Variants in RNF213 observed in about 807,000 individuals in gnomAD.
The protein encoded by RNF213 is E3 ubiquitin-protein ligase RNF213.
A neutral mutation model predicts 514.4 loss-of-function variants in RNF213; 341 were observed. That is an observed-to-expected ratio of 0.66 (90% CI 0.61 to 0.73). The LOEUF (loss-of-function observed/expected upper bound fraction) is 0.73, where lower values mean the gene tolerates loss of function less well. RNF213 is among the 30% of genes least tolerant of loss of function. The pLI, the probability that RNF213 is intolerant of heterozygous loss-of-function variation, is 0.00. For synonymous variants in RNF213, 2,655 were observed against 2,658.2 expected, an observed-to-expected ratio of 1.00 and a Z score of 0.04; for missense variants, 5,767 against 6,615.6, an observed-to-expected ratio of 0.87 and a Z score of 4.45.
intron 51 of RNF213, 85 bp downstream of exon 51, chr17:80,375,955 T>C: frequency 9.4e-7 from 1 of 1,065,220 alleles, no homozygotes; most frequent in South Asian, 1.3e-5. Flanking sequence ...TCAACACAAA[T>C]CATACCATAA....
intron 26 of RNF213, among the ~76,000 whole-genome samples, chr17:80,342,403 G>A (rs1029646961): frequency 1.3e-5 from 2 of 152,112 alleles, no homozygotes; most frequent in Non-Finnish European, 2.9e-5. Flanking sequence ...GCTGGGAAAT[G>A]TGAAGGTTCA....
chr17:80,367,732 CCCTG>C lies in RNF213; in HGVS notation c.11872-12_11872-9del. ...CCTCCCCCCTGCTAATGACTCCTGT[CCCTG>C]CCTTTCTTCAGTGTCTTCGAGAGAA... On this transcript the variant is annotated splice_polypyrimidine_tract_variant and intron_variant, in intron 42 of 67. Transcript: ENST00000582970. 5 of 1,610,840 alleles carry C rather than the reference CCCTG, an allele frequency of 3.1e-6. No individual in the cohort carries two copies. The highest frequency in any genetic ancestry group is 4.2e-6 in the Non-Finnish European group (5 of 1,177,306).
Position 80,381,614 on chromosome 17 carries a change from AG to A in RNF213, c.13867del (p.Asp4623ThrfsTer40). 3.7e-6 allele frequency: 6 copies of A among 1,614,242 alleles called. No individual in the cohort carries two copies. Among genetic ancestry groups the A allele is most frequent in the Non-Finnish European group, 5.1e-6 (6 of 1,180,046 alleles). ...PKGFLQQHIL[K>X]DLEQLAKMLG... Reference sequence around the variant, plus strand: ...GGCTTTCTGCAGCAGCACATCCTGAAGGACCTGGAGCAGTTGGCCAAGATGC... The same window carrying A: ...GGCTTTCTGCAGCAGCACATCCTGAAGACCTGGAGCAGTTGGCCAAGATGC... On this transcript the variant is annotated frameshift_variant, in exon 57 of 68. Coordinates refer to ENST00000582970, the MANE Select transcript of RNF213 (RefSeq NM_001256071.3). LOFTEE classifies it high-confidence loss of function.
rs747846267 is a variant in RNF213 at position 80,295,539 on chromosome 17, C to G, written c.1756-18C>G. ...TCAAGTCCATGGTTCATGCATCTTC[C>G]TCTTCTCCCACCATCAGGTGAAGAG... On this transcript the variant is annotated intron_variant, in intron 9 of 67. Coordinates refer to ENST00000582970, the MANE Select transcript of RNF213 (RefSeq NM_001256071.3). 4 of 1,614,028 alleles carry G rather than the reference C, an allele frequency of 2.5e-6. No homozygotes were observed. The South Asian group carries it at 4.4e-5, about 18-fold the overall frequency.
At chr17:80,334,451 A>T in intron 22 of RNF213, 181 bp downstream of exon 22, 2 of 582,546 alleles carry the variant, frequency 3.4e-6, no homozygotes, top group African/African-American at 1.9e-5. Flanking sequence ...ACACCGGTAC[A>T]GTATTTCCCA....
intron 3 of RNF213, among the ~76,000 whole-genome samples, chr17:80,278,519 TCTC>T (rs944028725): frequency 3.3e-5 from 5 of 152,284 alleles, no homozygotes; most frequent in South Asian, 2.1e-4. Flanking sequence ...TGTGGGCAGT[TCTC>T]CTCTTACGTG....
rs539303146 is a variant in RNF213 at position 80,393,459 on chromosome 17, A to G, written c.15585A>G (p.Lys5195=). ...ILLASCVSVW[K]TAAVLKWNRE... is the part of the protein sequence containing the mutation. ...TCGCCAGCTGTGTCTCAGTGTGGAA[A>G]ACAGCTGCTGTGCTGAAATGGAATC... Residue 5195 remains lysine, a synonymous_variant, in exon 68 of 68, where the codon AAA becomes AAG. Transcript: ENST00000582970. 1.2e-6 allele frequency: 2 copies of G among 1,614,236 alleles called. No homozygotes were observed. The highest frequency in any genetic ancestry group is 1.7e-5 in the Admixed American group (1 of 60,028).
chr17:80,333,783 C>T, intron 21 of RNF213: 2 of 312,286 alleles, frequency 6.4e-6, no homozygotes, highest in South Asian at 7.4e-5. Flanking sequence ...CTGCTCTGGG[C>T]CTTTATTGAC....
Position 80,364,461 on chromosome 17 carries a change from G to C in RNF213, c.11779G>C (p.Ala3927Pro), listed in dbSNP as rs777402744. Residue 3927 changes from alanine (A) to proline (P), a missense_variant, in exon 42 of 68, where the codon GCA becomes CCA. Ala to Pro is a conservative substitution (Grantham distance 27). This residue lies in a region of RNF213 where 355 missense variants were observed against 358.0 expected (regional missense o/e 0.99). Transcript: ENST00000582970. ...CCAGTGGAGTCGGATTTTCTCCACC[G>C]CACTCTTCGTGGAGCACGTGCTCCT... ...RAQWSRIFST[A>P]LFVEHVLLGT... 1.2e-6 allele frequency: 2 copies of C among 1,614,062 alleles called. No individual in the cohort carries two copies. The highest frequency in any genetic ancestry group is 8.5e-7 in the Non-Finnish European group (1 of 1,179,980).
chr17:80,371,980 C>G lies in RNF213; in HGVS notation c.12532C>G (p.Leu4178Val). 1 of 1,547,452 alleles carries G rather than the reference C, an allele frequency of 6.5e-7. No homozygotes were observed. Among genetic ancestry groups the G allele is most frequent in the Non-Finnish European group, 8.9e-7 (1 of 1,119,188 alleles). ...ACTGTACATGCTCTTCATCAACTGC[C>G]TGGAGGTAAGTGAACTCTCTCTTCC... ...TELYMLFINC[L>V]EDSILEKTSA... The change falls in exon 47 of 68, where the codon CTG becomes GTG. Residue 4178 changes from leucine (L) to valine (V), a missense_variant. Around this residue, in one of 13 missense-constraint regions of RNF213, gnomAD observed 1,245 missense variants for 1,339.0 expected, o/e 0.93. Transcript: ENST00000582970.
At chr17:80,366,161 G>A (rs987953455) in intron 42 of RNF213, among the ~76,000 whole-genome samples, 14 of 152,202 alleles carry the variant, frequency 9.2e-5, no homozygotes, top group African/African-American at 3.4e-4. Context: ...CGTGAGGCTG[G>A]CTCCCTCGGC....
intron 8 of RNF213, 86 bp downstream of exon 8, chr17:80,291,913 A>G (rs578242212): frequency 1.4e-6 from 2 of 1,465,618 alleles, no homozygotes; most frequent in Admixed American, 1.8e-5. Flanking sequence ...TCTGGAGAGC[A>G]CAGACTTTGC....
chr17:80,284,999 C>A (rs536716372), intron 3 of RNF213, among the ~76,000 whole-genome samples: 1 of 152,320 alleles, frequency 6.6e-6, no homozygotes, highest in South Asian at 2.1e-4. Context: ...GCTGATGTTA[C>A]TCAAACCATG....
At chr17:80,382,188 TA>T (rs35569924) in intron 57 of RNF213, 7,343 of 153,750 alleles carry the variant, frequency 0.048, 206 homozygotes, top group African/African-American at 0.088. Context: ...ACAGTTATGT[TA>T]AAAAAAAAAA....
chr17:80,298,299 C>T lies in RNF213; in HGVS notation c.2013-22C>T, dbSNP rs147565591. The T allele has an allele frequency of 1.9e-4, 308 of 1,612,844 alleles. No individual in the cohort carries two copies. The African/African-American group carries it at 1.9e-3, about 10-fold the overall frequency. ...ACTCCCTGGCCAGCTCAGCTCACTG[C>T]GGGATCTTTATTCCCTTCCAGCTGG... On this transcript the variant is annotated intron_variant, in intron 10 of 67. Transcript: ENST00000582970.
Position 80,373,077 on chromosome 17 carries a change from G to A in RNF213, c.12854G>A (p.Ser4285Asn), listed in dbSNP as rs371139159. The A allele has an allele frequency of 2.8e-5, 45 of 1,613,818 alleles. No homozygotes were observed. Among genetic ancestry groups the A allele is most frequent in the Non-Finnish European group, 3.7e-5 (44 of 1,180,014 alleles). ...GTGTACCTGGTGCGGAAGCTCAGCA[G>A]CCAGCGGGGGATGGAGTTCGTGCAG... ...HRVYLVRKLS[S>N]QRGMEFVQGL... The change falls in exon 49 of 68, where the codon AGC becomes AAC. Residue 4285 changes from serine to asparagine, a missense_variant. By Grantham distance (46) the Ser-to-Asn change is conservative. Around this residue, in one of 13 missense-constraint regions of RNF213, gnomAD observed 1,245 missense variants for 1,339.0 expected, o/e 0.93. Coordinates refer to ENST00000582970, the MANE Select transcript of RNF213 (RefSeq NM_001256071.3).
intron 3 of RNF213, among the ~76,000 whole-genome samples, chr17:80,280,543 TC>T (rs2044222717): frequency 6.6e-6 from 1 of 152,262 alleles, no homozygotes; most frequent in South Asian, 2.1e-4. Flanking sequence ...AGCCTTGACT[TC>T]CTGGGCTCAA....
intron 11 of RNF213, among the ~76,000 whole-genome samples, chr17:80,305,184 C>CTTTTTTTTTTTTTTTT (rs71163950): frequency 1.6e-4 from 20 of 127,428 alleles, no homozygotes; most frequent in African/African-American, 6.6e-4. Flanking sequence ...CAGCAGTGAA[C>CTTTTTTTTTTTTTTTT]TTTTTTTTTT....
At chr17:80,279,563 C>G (rs2044185574) in intron 3 of RNF213, among the ~76,000 whole-genome samples, 1 of 151,948 alleles carries the variant, frequency 6.6e-6, no homozygotes, top group Admixed American at 6.6e-5. Flanking sequence ...GTGCAGGGTT[C>G]AAGCGATTCT....
Sources: gnomAD v4.1 joint callset for allele counts (sites outside exome capture counted in the v4.1 genomes callset) on GRCh38, gnomAD v4.1.1 for gene constraint, gnomAD v4.1.1 regional missense constraint, MANE v1.5 for transcripts, NCBI Gene and HGNC (gene_info 2026-07-23, HGNC 2026-07-21) for gene names.